SMARCB1: variants seen among roughly 807,000 people sequenced by gnomAD.
SMARCB1 encodes the protein SWI/SNF-related matrix-associated actin-dependent regulator of chromatin subfamily B member 1.
SMARCB1 carries 5 observed loss-of-function variants against 49.0 expected under a neutral mutation model. The ratio of observed to expected loss-of-function variants is 0.10; its 90% CI spans 0.05 to 0.21. The LOEUF (loss-of-function observed/expected upper bound fraction) is 0.21, where lower values mean the gene tolerates loss of function less well. Ranked by LOEUF, SMARCB1 falls within the 10% of genes least tolerant of loss-of-function variation. The probability of loss-of-function intolerance (pLI) is 1.00; values close to 1 mark genes in which losing one functional copy is unlikely to be tolerated. For synonymous variants in SMARCB1, 201 were observed against 200.1 expected, an observed-to-expected ratio of 1.00 and a Z score of -0.04; for missense variants, 226 against 509.2, an observed-to-expected ratio of 0.44 and a Z score of 5.35.
chr22:23,833,322 ACGCTGGG>A (rs780109009), intron 7 of SMARCB1, among the ~76,000 whole-genome samples: 1 of 152,180 alleles, frequency 6.6e-6, no homozygotes, highest in Admixed American at 6.5e-5. Flanking sequence ...AGACAGAGAG[ACGCTGGG>A]CACAAAAGCC....
Position 23,836,886 on chromosome 22 carries a change from G to A in SMARCB1, c.*2706G>A. 1 of 1,477,724 alleles carries A rather than the reference G, an allele frequency of 6.8e-7. No individual in the cohort carries two copies. The highest frequency in any genetic ancestry group is 9.0e-7 in the Non-Finnish European group (1 of 1,112,602). The allele number at this position is 1,477,724 out of a possible 1,614,324, so 91.5% of individuals were successfully genotyped here. A position where few individuals can be genotyped will look rare whatever the true frequency, so the allele number is the denominator to read the frequency against. On this transcript the variant is annotated 3_prime_UTR_variant, in exon 9 of 9. Transcript: ENST00000644036. ...GGTGGGGGTCACTGCTGCGGGGGTGGCAGATGGGGTCCTGGCTGTTCCTCA... is the reference window on the plus strand; with the variant it reads ...GGTGGGGGTCACTGCTGCGGGGGTGACAGATGGGGTCCTGGCTGTTCCTCA...
chr22:23,790,206 T>C (rs1474316064), intron 1 of SMARCB1, among the ~76,000 whole-genome samples: 6 of 151,138 alleles, frequency 4.0e-5, no homozygotes, highest in Admixed American at 3.3e-4. Context: ...TAGGGGGGAG[T>C]ATTGTCAATT....
chr22:23,798,734 G>T (rs1454701240), intron 3 of SMARCB1, among the ~76,000 whole-genome samples: 1 of 152,092 alleles, frequency 6.6e-6, no homozygotes, highest in African/African-American at 2.4e-5. Flanking sequence ...TGTCTTCCCG[G>T]GTCCCTCCTT....
At chr22:23,813,068 T>C (rs572181270) in intron 5 of SMARCB1, among the ~76,000 whole-genome samples, 2 of 152,214 alleles carry the variant, frequency 1.3e-5, no homozygotes, top group East Asian at 1.9e-4. Context: ...GGTTTCACAG[T>C]GTTAGCCAGG....
intron 7 of SMARCB1, among the ~76,000 whole-genome samples, chr22:23,829,388 G>A (rs903693546): frequency 1.2e-4 from 18 of 152,252 alleles, no homozygotes; most frequent in African/African-American, 4.1e-4. Flanking sequence ...AAGGAAGGTG[G>A]GCCCTGTGGA....
At chr22:23,799,881 T>C (rs1929035434) in intron 3 of SMARCB1, among the ~76,000 whole-genome samples, 1 of 152,064 alleles carries the variant, frequency 6.6e-6, no homozygotes, top group African/African-American at 2.4e-5. Context: ...AGACGGGCTT[T>C]CACCATGTTG....
At chr22:23,815,642 T>A (rs906610540) in intron 5 of SMARCB1, 5 of 152,256 alleles carry the variant, frequency 3.3e-5, no homozygotes, top group Non-Finnish European at 5.9e-5. Context: ...ATAGCAGCTT[T>A]ATTTATAATA....
rs1051795046 is a variant in SMARCB1 at position 23,787,050 on chromosome 22, C to T, written c.-120C>T. The T allele has an allele frequency of 1.5e-6, 1 of 670,788 alleles. No homozygotes were observed. The highest frequency in any genetic ancestry group is 2.6e-6 in the Non-Finnish European group (1 of 384,734). 41.6% of individuals were successfully genotyped at this position (670,788 alleles called of 1,614,324 possible). A position where few individuals can be genotyped will look rare whatever the true frequency, so the allele number is the denominator to read the frequency against. On this transcript the variant is annotated 5_prime_UTR_variant, in exon 1 of 9. Coordinates refer to ENST00000644036, the MANE Select transcript of SMARCB1 (RefSeq NM_003073.5). ...GGAGCCCGGCTGAGGCGCCAGTACC[C>T]GGCCCGGTCCGCATTTCGCCTTCCG...
chr22:23,799,011 C>T (rs1002556113), intron 3 of SMARCB1, among the ~76,000 whole-genome samples: 2 of 148,902 alleles, frequency 1.3e-5, no homozygotes, highest in African/African-American at 5.0e-5. Flanking sequence ...GATGGCGCCA[C>T]TGTACTCCAG....
chr22:23,793,380 G>C, intron 2 of SMARCB1, 179 bp from the exon 3 acceptor site: 2 of 747,326 alleles, frequency 2.7e-6, no homozygotes, highest in Admixed American at 3.5e-5. Flanking sequence ...GGACTTGTAA[G>C]TAAAGCACTC....
chr22:23,811,772 C>T (rs28885501), intron 5 of SMARCB1, among the ~76,000 whole-genome samples: 5 of 152,258 alleles, frequency 3.3e-5, no homozygotes, highest in African/African-American at 1.2e-4. Flanking sequence ...ATAATCTAAG[C>T]TCTAATCTCA....
intron 6 of SMARCB1, 121 bp downstream of exon 6, chr22:23,817,057 G>C: frequency 1.3e-6 from 1 of 792,028 alleles, no homozygotes; most frequent in Non-Finnish European, 2.1e-6. Context: ...ATATCATCTG[G>C]AAAGTCATAA....
chr22:23,834,418 C>A lies in SMARCB1; in HGVS notation c.*238C>A. The A allele has an allele frequency of 1.7e-6, 1 of 574,434 alleles. No homozygotes were observed. The highest frequency in any genetic ancestry group is 3.8e-5 in the East Asian group (1 of 26,008). The allele number at this position is 574,434 out of a possible 1,614,324, so 35.6% of individuals were successfully genotyped here. On this transcript the variant is annotated 3_prime_UTR_variant, in exon 9 of 9. Transcript: ENST00000644036. ...CCCAGTCTCTGGGGTCAGGAAGAAACCTTATTTTAGGTTGTGTTTTGTTTT... is the reference window on the plus strand; with the variant it reads ...CCCAGTCTCTGGGGTCAGGAAGAAAACTTATTTTAGGTTGTGTTTTGTTTT...
chr22:23,832,046 C>T (rs2030683411), intron 7 of SMARCB1, among the ~76,000 whole-genome samples: 1 of 152,318 alleles, frequency 6.6e-6, no homozygotes, highest in Non-Finnish European at 1.5e-5. Context: ...CCAGCTGCAG[C>T]CAGTGCCCTG....
chr22:23,809,335 G>T (rs893293383), intron 5 of SMARCB1, among the ~76,000 whole-genome samples: 6 of 148,412 alleles, frequency 4.0e-5, no homozygotes, highest in South Asian at 4.3e-4. Flanking sequence ...GGAGTGCAAT[G>T]GCACAGTCTC....
intron 7 of SMARCB1, among the ~76,000 whole-genome samples, chr22:23,832,174 C>T (rs1308590274): frequency 2.0e-5 from 3 of 150,440 alleles, no homozygotes; most frequent in South Asian, 2.1e-4. Flanking sequence ...TGTGCAGAGC[C>T]GGGACTCGCT....
intron 7 of SMARCB1, among the ~76,000 whole-genome samples, chr22:23,831,968 C>T (rs1159300240): frequency 3.9e-5 from 6 of 152,196 alleles, no homozygotes; most frequent in Admixed American, 3.3e-4. Flanking sequence ...TGAGCTTCTG[C>T]GACTCATGAG....
chr22:23,820,574 T>A (rs1424067623), intron 6 of SMARCB1, among the ~76,000 whole-genome samples: 2 of 152,178 alleles, frequency 1.3e-5, no homozygotes, highest in Non-Finnish European at 2.9e-5. Context: ...TCTGACTCAG[T>A]CAGTCAATCA....
At chr22:23,814,561 C>A (rs941600147) in intron 5 of SMARCB1, among the ~76,000 whole-genome samples, 102 of 147,070 alleles carry the variant, frequency 6.9e-4, no homozygotes, top group African/African-American at 2.5e-3. Flanking sequence ...GCTACTCGGG[C>A]GGGTGAGGCA....
Sources: allele counts gnomAD v4.1 joint callset (sites outside exome capture counted in the v4.1 genomes callset), GRCh38; gene constraint gnomAD v4.1.1; transcripts MANE v1.5; gene names NCBI Gene and HGNC (gene_info 2026-07-23, HGNC 2026-07-21).